Variants in DACH2 observed in about 807,000 individuals in gnomAD.
The protein encoded by DACH2 is dachshund family transcription factor 2.
Under a neutral mutation model 35.8 loss-of-function variants are expected in DACH2, and 17 were observed. The ratio of observed to expected loss-of-function variants is 0.48; its 90% confidence interval spans 0.33 to 0.71. The LOEUF (loss-of-function observed/expected upper bound fraction) is 0.71. DACH2 is among the 30% of genes least tolerant of loss of function. The pLI is 0.02. For synonymous variants in DACH2, 195 were observed against 177.3 expected, an observed-to-expected ratio of 1.10 and a Z score of -0.79; for missense variants, 469 against 472.7, an observed-to-expected ratio of 0.99 and a Z score of 0.07.
intron 3 of DACH2, among the ~76,000 whole-genome samples, chrX:86,631,237 A>G (rs1405854128): frequency 8.9e-6 from 1 of 111,747 alleles, no homozygotes; most frequent in Non-Finnish European, 1.9e-5. Context: ...TTGCTCTTTC[A>G]GTCTCCAGTA....
chrX:86,804,162 T>C (rs73512655), intron 7 of DACH2, among the ~76,000 whole-genome samples: 94 of 112,057 alleles, frequency 8.4e-4, no homozygotes, highest in African/African-American at 2.9e-3. Context: ...AGAGGTTTAA[T>C]TGGATAATGG....
chrX:86,762,940 A>G (rs1331525811), intron 7 of DACH2, among the ~76,000 whole-genome samples: 1 of 111,328 alleles, frequency 9.0e-6, no homozygotes, highest in African/African-American at 3.3e-5. Context: ...AACCATCCCC[A>G]CATCACCCCC....
chrX:86,619,553 A>G (rs1187136483), intron 3 of DACH2, among the ~76,000 whole-genome samples: 2 of 112,230 alleles, frequency 1.8e-5, no homozygotes, highest in Non-Finnish European at 3.8e-5. Flanking sequence ...AAATTGTCCT[A>G]TGAACTCTGT....
At chrX:86,630,290 A>C (rs757238501) in intron 3 of DACH2, among the ~76,000 whole-genome samples, 1 of 110,230 alleles carries the variant, frequency 9.1e-6, no homozygotes, top group Admixed American at 9.8e-5. Flanking sequence ...CAAGTTATTC[A>C]GTTTCTGTCT....
At chrX:86,813,842 C>T (rs906245727) in intron 9 of DACH2, among the ~76,000 whole-genome samples, 9 of 110,378 alleles carry the variant, frequency 8.2e-5, no homozygotes, top group Admixed American at 3.9e-4. Context: ...GTCAAGGACT[C>T]AGGTTCTTCA....
At chrX:86,767,947 GT>G (rs1171608831) in intron 7 of DACH2, among the ~76,000 whole-genome samples, 1 of 110,671 alleles carries the variant, frequency 9.0e-6, no homozygotes, top group Non-Finnish European at 1.9e-5. Context: ...TTTGTTTTTT[GT>G]TTGTTTGTTT....
chrX:86,349,776 T>A (rs6524642), intron 1 of DACH2, among the ~76,000 whole-genome samples: 17,296 of 111,319 alleles, frequency 0.16, 1,337 homozygotes, highest in East Asian at 0.3. Context: ...CTTTTTTTTT[T>A]AATTTTTCTG....
chrX:86,292,125 G>C (rs1203329327), intron 1 of DACH2, among the ~76,000 whole-genome samples: 1 of 64,716 alleles, frequency 1.5e-5, no homozygotes, highest in African/African-American at 7.8e-5. Context: ...TCTATTCAGA[G>C]ATTCAACTTC....
rs572525527 is a variant in DACH2, at chrX:86,743,992, A to G, written c.1240+4110A>G. 9.9e-5 allele frequency among the ~76,000 whole-genome samples: 11 copies of G among 111,398 alleles called. No homozygotes were observed. The South Asian group carries it at 4.1e-3, about 42-fold the overall frequency. ...CTAGGAAAGTCCCAAGCTGTACATG[A>G]TGCATATGATACAATCAGAGCTGCA... is the stretch of plus-strand genomic sequence containing the variant. On this transcript the variant is annotated intron_variant, in intron 7 of 11. Transcript: ENST00000373125.
chrX:86,529,973 A>G (rs865942475), intron 3 of DACH2, among the ~76,000 whole-genome samples: 5,636 of 42,911 alleles, frequency 0.13, 539 homozygotes, highest in African/African-American at 0.36. Context: ...ACACACACAC[A>G]CACGCACACA....
At chrX:86,414,917 G>C (rs1298652480) in intron 2 of DACH2, among the ~76,000 whole-genome samples, 2 of 111,567 alleles carry the variant, frequency 1.8e-5, no homozygotes, top group Non-Finnish European at 3.8e-5. Context: ...GTTCCCTAGA[G>C]GGACAGGACT....
intron 1 of DACH2, among the ~76,000 whole-genome samples, chrX:86,371,043 T>C (rs763000954): frequency 4.1e-4 from 46 of 111,373 alleles, no homozygotes; most frequent in Non-Finnish European, 7.2e-4. Flanking sequence ...GTAGGACATA[T>C]GAGAAATATC....
intron 4 of DACH2, among the ~76,000 whole-genome samples, chrX:86,688,203 C>G: frequency 8.9e-6 from 1 of 112,020 alleles, no homozygotes; most frequent in East Asian, 2.8e-4. Context: ...GTATTCTTTT[C>G]TTTCTTCCTG....
At chrX:86,457,089 A>T (rs1284646499) in intron 2 of DACH2, among the ~76,000 whole-genome samples, 1 of 111,467 alleles carries the variant, frequency 9.0e-6, no homozygotes, top group Non-Finnish European at 1.9e-5. Context: ...TTTAGTTTTT[A>T]TGTCATTGTC....
At chrX:86,290,678 G>A (rs2034266179) in intron 1 of DACH2, among the ~76,000 whole-genome samples, 1 of 104,592 alleles carries the variant, frequency 9.6e-6, no homozygotes, top group East Asian at 3.1e-4. Context: ...ATTAAATAGG[G>A]AATCCTTTCC....
chrX:86,647,801 G>A (rs1569459529), intron 3 of DACH2, among the ~76,000 whole-genome samples: 2 of 110,755 alleles, frequency 1.8e-5, no homozygotes, highest in African/African-American at 6.5e-5. Context: ...AACTCATCAA[G>A]TTCATGCAGT....
At chrX:86,289,503 G>T (rs1400203315) in intron 1 of DACH2, among the ~76,000 whole-genome samples, 17 of 107,045 alleles carry the variant, frequency 1.6e-4, no homozygotes, top group African/African-American at 5.1e-4. Flanking sequence ...CATGTGACAA[G>T]CTGGTGCGCT....
At chrX:86,315,411 G>T (rs1441888323) in intron 1 of DACH2, among the ~76,000 whole-genome samples, 1 of 112,246 alleles carries the variant, frequency 8.9e-6, no homozygotes, top group African/African-American at 3.2e-5. Flanking sequence ...TTGTTTTCAT[G>T]ACTGCTAACA....
intron 2 of DACH2, among the ~76,000 whole-genome samples, chrX:86,453,610 G>C (rs2037422173): frequency 9.0e-6 from 1 of 111,353 alleles, no homozygotes; most frequent in African/African-American, 3.3e-5. Context: ...TTTAAAGTCT[G>C]TTTTCTAAGA....
Sources: allele counts gnomAD v4.1 joint callset (sites outside exome capture counted in the v4.1 genomes callset), GRCh38; gene constraint gnomAD v4.1.1; transcripts MANE v1.5; gene names NCBI Gene and HGNC (gene_info 2026-07-23, HGNC 2026-07-21).